COL27A1: variants seen among roughly 807,000 people sequenced by gnomAD.
COL27A1 encodes the protein collagen type XXVII alpha 1 chain, also known as collagen alpha-1(XXVII) chain.
COL27A1 carries 106 observed loss-of-function variants against 251.3 expected under a neutral mutation model. That is an observed-to-expected ratio of 0.42 (90% CI 0.36 to 0.50). The LOEUF is 0.50. Among genes scored for constraint, COL27A1 ranks in the 20% least tolerant of loss-of-function variants. The pLI is 0.00. For synonymous variants in COL27A1, 1,000 were observed against 986.3 expected (o/e 1.01, Z -0.26); for missense variants, 2,325 against 2,522.8 (o/e 0.92, Z 1.68).
chr9:114,218,093 T>A (rs1830829900), intron 12 of COL27A1: 5 of 297,318 alleles, frequency 1.7e-5, no homozygotes, highest in South Asian at 1.5e-4. Context: ...GATGACAGAG[T>A]GAGACCCTGT....
At chr9:114,303,286 T>C (rs1828798755) in intron 56 of COL27A1, among the ~76,000 whole-genome samples, 2 of 150,084 alleles carry the variant, frequency 1.3e-5, no homozygotes, top group South Asian at 4.2e-4. Context: ...TCTCCCAGGC[T>C]GGAGTGCAGT....
intron 31 of COL27A1, 100 bp downstream of exon 31, chr9:114,265,210 C>A: frequency 1.6e-6 from 2 of 1,253,750 alleles, no homozygotes; most frequent in African/African-American, 1.5e-5. Flanking sequence ...AAGTTCCTGT[C>A]CTTCTGTGGA....
intron 36 of COL27A1, chr9:114,272,629 TG>T (rs1835224089): frequency 6.6e-6 from 1 of 152,228 alleles, no homozygotes; most frequent in African/African-American, 2.4e-5. Flanking sequence ...GTGATGATGG[TG>T]GTGGTGACCA....
At chr9:114,159,063 G>C (rs1337615288) in intron 1 of COL27A1, among the ~76,000 whole-genome samples, 1 of 152,138 alleles carries the variant, frequency 6.6e-6, no homozygotes, top group Non-Finnish European at 1.5e-5. Context: ...GAAGTTTATG[G>C]GTCAAGTGCA....
At chr9:114,278,352 G>T (rs62636470) in intron 37 of COL27A1, among the ~76,000 whole-genome samples, 8,652 of 28,510 alleles carry the variant, frequency 0.3, 604 homozygotes, top group Non-Finnish European at 0.33. Flanking sequence ...GGTGCTGGTG[G>T]CGATGGTGAT....
At chr9:114,270,923 G>C (rs1233459624) in intron 36 of COL27A1, 142 bp downstream of exon 36, 1 of 709,564 alleles carries the variant, frequency 1.4e-6, no homozygotes, top group Non-Finnish European at 2.4e-6. Context: ...AGCAGCTTGG[G>C]GAAGGGTCAG....
intron 4 of COL27A1, among the ~76,000 whole-genome samples, chr9:114,179,347 A>T (rs1827713636): frequency 6.6e-6 from 1 of 151,956 alleles, no homozygotes; most frequent in Non-Finnish European, 1.5e-5. Flanking sequence ...CCCTCTGGGG[A>T]CCACATAGAT....
At chr9:114,228,596 A>G (rs1831689749) in intron 14 of COL27A1, among the ~76,000 whole-genome samples, 1 of 152,234 alleles carries the variant, frequency 6.6e-6, no homozygotes, top group African/African-American at 2.4e-5. Flanking sequence ...ACTCCGTGAT[A>G]TCGCTGGAGC....
chr9:114,206,204 G>A (rs1278167543), intron 9 of COL27A1, 48 bp from the exon 10 acceptor site: 1 of 1,591,318 alleles, frequency 6.3e-7, no homozygotes, highest in African/African-American at 1.3e-5. Context: ...ATTGGCAGCA[G>A]GTAGAGCGTC....
In COL27A1 at chr9:114,222,242, G is replaced by GC; in HGVS notation, c.2447dup (p.Gly817TrpfsTer8). Reference sequence around the variant, plus strand: ...CTGCAGGGAGAACTGGGCCTGCCAGGCCCCCCTGGAGTCCCCGGCCTCATT... The same window carrying GC: ...CTGCAGGGAGAACTGGGCCTGCCAGGCCCCCCCTGGAGTCCCCGGCCTCATT... On this transcript the variant is annotated frameshift_variant, in exon 14 of 61. Coordinates refer to ENST00000356083, the MANE Select transcript of COL27A1 (RefSeq NM_032888.4). LOFTEE classifies it high-confidence loss of function. The GC allele has an allele frequency of 6.2e-7, 1 of 1,613,726 alleles. No homozygotes were observed. Among genetic ancestry groups the GC allele is most frequent in the Non-Finnish European group, 8.5e-7 (1 of 1,179,664 alleles).
rs1835087331 is a variant in COL27A1, at chr9:114,270,793, T to C, written c.3609+12T>C. ...CTGATGGGCTGAAGGTAAGTGCCCT[T>C]TTAGGGCAGGGCCTGGGGACCCCGG... On this transcript the variant is annotated intron_variant, in intron 36 of 60. Coordinates refer to ENST00000356083, the MANE Select transcript of COL27A1 (RefSeq NM_032888.4). 2 of 1,608,500 alleles carry C rather than the reference T, an allele frequency of 1.2e-6. No individual in the cohort carries two copies. Among genetic ancestry groups the C allele is most frequent in the Non-Finnish European group, 1.7e-6 (2 of 1,175,976 alleles).
At chr9:114,304,510 C>A in intron 56 of COL27A1, 98 bp from the exon 57 acceptor site, 1 of 1,147,400 alleles carries the variant, frequency 8.7e-7, no homozygotes, top group South Asian at 1.2e-5. Context: ...ATGACTTGGC[C>A]AAGATCCTGC....
At chr9:114,184,210 G>T (rs181709959) in intron 5 of COL27A1, among the ~76,000 whole-genome samples, 53 of 152,354 alleles carry the variant, frequency 3.5e-4, no homozygotes, top group Non-Finnish European at 2.1e-4. Context: ...CCCGTGCTTT[G>T]GTTGGGCCAG....
chr9:114,236,985 G>C lies in COL27A1; in HGVS notation c.2624G>C (p.Ser875Thr). The C allele has an allele frequency of 6.2e-7, 1 of 1,613,112 alleles. No homozygotes were observed. Among genetic ancestry groups the C allele is most frequent in the Non-Finnish European group, 8.5e-7 (1 of 1,179,560 alleles). ...GDPGFQGDKG[S>T]QGLPGFPGAR... ...CCTGCTCTGGATCTCTTCCAGGGGA[G>C]CCAGGGGTTGCCAGGGTTCCCCGGT... is the stretch of plus-strand genomic sequence containing the variant. Residue 875 changes from serine (S) to threonine (T), a missense_variant, in exon 18 of 61, where the codon AGC (serine) becomes ACC (threonine). By Grantham distance (58) the Ser-to-Thr change is moderately conservative. Transcript: ENST00000356083.
intron 49 of COL27A1, among the ~76,000 whole-genome samples, chr9:114,297,560 A>C (rs1828338309): frequency 6.6e-6 from 1 of 152,240 alleles, no homozygotes; most frequent in Admixed American, 6.5e-5. Flanking sequence ...CATATTAATA[A>C]AATAAAGGAC....
Position 114,240,245 on chromosome 9 carries a change from C to G in COL27A1, c.2753C>G (p.Pro918Arg), listed in dbSNP as rs923761760. 7.5e-6 allele frequency: 12 copies of G among 1,607,792 alleles called. No homozygotes were observed. Among genetic ancestry groups the G allele is most frequent in the Non-Finnish European group, 1.0e-5 (12 of 1,176,822 alleles). ...PEGFPGDIGPPGDNGPEGMKG... is the reference protein window; with the variant it reads ...PEGFPGDIGPRGDNGPEGMKG... ...GGATTCCCAGGAGACATCGGCCCCCCTGGCGACAATGGCCCAGAAGGCATG... is the reference window on the plus strand; with the variant it reads ...GGATTCCCAGGAGACATCGGCCCCCGTGGCGACAATGGCCCAGAAGGCATG... The change falls in exon 20 of 61, where the codon CCT (proline) becomes CGT (arginine). Residue 918 changes from proline (P) to arginine (R), a missense_variant. Pro to Arg is a moderately radical substitution (Grantham distance 103, BLOSUM62 -2). Transcript: ENST00000356083.
chr9:114,272,394 A>G (rs10982133), intron 36 of COL27A1: 26,633 of 152,078 alleles, frequency 0.18, 2,585 homozygotes, highest in African/African-American at 0.23. Context: ...CCCTGACTTC[A>G]TCCTCTTCCC....
chr9:114,238,861 C>T (rs757822845), intron 19 of COL27A1, among the ~76,000 whole-genome samples: 10 of 152,166 alleles, frequency 6.6e-5, no homozygotes, highest in African/African-American at 9.7e-5. Flanking sequence ...CCACGACAGC[C>T]GCATGAGGGG....
intron 21 of COL27A1, 89 bp from the exon 22 acceptor site, chr9:114,242,098 T>C: frequency 8.5e-7 from 1 of 1,175,318 alleles, no homozygotes; most frequent in Non-Finnish European, 1.2e-6. Context: ...CCTCTGTCCA[T>C]CCCTTTCCCT....
Sources: gnomAD v4.1 joint callset for allele counts (sites outside exome capture counted in the v4.1 genomes callset) on GRCh38, gnomAD v4.1.1 for gene constraint, MANE v1.5 for transcripts, NCBI Gene and HGNC (gene_info 2026-07-23, HGNC 2026-07-21) for gene names.